The following RCOR3 variants were observed in gnomAD, a reference collection of about 807,000 sequenced individuals.
RCOR3 encodes REST corepressor 3.
RCOR3 carries 13 observed loss-of-function variants against 64.1 expected under a neutral mutation model. The ratio of observed to expected loss-of-function variants is 0.20; its 90% CI spans 0.13 to 0.32. RCOR3 has a LOEUF of 0.32. RCOR3 is among the 10% of genes least tolerant of loss of function. The pLI, the probability that RCOR3 is intolerant of heterozygous loss-of-function variation, is 1.00. For synonymous variants in RCOR3, 215 were observed against 239.0 expected (o/e 0.90, Z 0.93); for missense variants, 489 against 701.2 (o/e 0.70, Z 3.42).
intron 7 of RCOR3, among the ~76,000 whole-genome samples, chr1:211,287,797 C>T (rs1335439799): frequency 6.6e-6 from 1 of 152,094 alleles, no homozygotes; most frequent in Non-Finnish European, 1.5e-5. Context: ...AGGAGAATTG[C>T]TTGAGCCCAG....
At chr1:211,284,296 G>A (rs1056482102) in intron 7 of RCOR3, among the ~76,000 whole-genome samples, 1 of 151,852 alleles carries the variant, frequency 6.6e-6, no homozygotes, top group East Asian at 1.9e-4. Context: ...TAGTCAGGAT[G>A]GTCTCGATCT....
chr1:211,293,347 T>C (rs903210138), intron 8 of RCOR3, among the ~76,000 whole-genome samples: 1 of 152,160 alleles, frequency 6.6e-6, no homozygotes, highest in African/African-American at 2.4e-5. Context: ...TAAAAATCCT[T>C]TAGGTTTCCT....
intron 6 of RCOR3, 97 bp from the exon 7 acceptor site, chr1:211,279,141 C>A: frequency 1.4e-6 from 1 of 734,080 alleles, no homozygotes; most frequent in Non-Finnish European, 2.2e-6. Context: ...GAGCCAAGAT[C>A]ATGCCATTGC....
rs2102690898 is a variant in RCOR3, at chr1:211,314,974, C to G, written c.*1206C>G. The G allele has an allele frequency of 6.6e-6, 1 of 152,246 alleles. No individual in the cohort carries two copies. Among genetic ancestry groups the G allele is most frequent in the Non-Finnish European group, 1.5e-5 (1 of 67,998 alleles). The allele number at this position is 152,246 out of a possible 1,614,324, so 9.4% of individuals were successfully genotyped here. A position where few individuals can be genotyped will look rare whatever the true frequency, so the allele number is the denominator to read the frequency against. On this transcript the variant is annotated 3_prime_UTR_variant, in exon 12 of 12. Transcript: ENST00000419091. The stretch of plus-strand genomic sequence containing the variant: ...TATATTGTCACAGTTGTGCTGTTAA[C>G]TAAAAATGCTGAGACCCCTTTTTAT...
chr1:211,308,684 G>GTTTTTTTTTTTTTTTTTTTTTTTTTTTT (rs71585833), intron 10 of RCOR3, among the ~76,000 whole-genome samples: 3 of 42,060 alleles, frequency 7.1e-5, no homozygotes, highest in African/African-American at 1.5e-4. Context: ...TTTTTTTTTT[G>GTTTTTTTTTTTTTTTTTTTTTTTTTTTT]TTTTTTTTTT....
intron 3 of RCOR3, among the ~76,000 whole-genome samples, chr1:211,272,613 T>TTTG (rs1344695891): frequency 5.0e-5 from 1 of 20,156 alleles, no homozygotes; most frequent in African/African-American, 2.4e-4. Flanking sequence ...GATGTCTTAC[T>TTTG]TTTTTTTTTT....
chr1:211,294,621 G>A (rs1387573489), intron 8 of RCOR3, among the ~76,000 whole-genome samples: 3 of 117,516 alleles, frequency 2.6e-5, no homozygotes, highest in African/African-American at 9.9e-5. Flanking sequence ...ACGGAGTCTC[G>A]CTGTGTCGCC....
At position 211,284,146 on chromosome 1, in the gene RCOR3, C is replaced by T. The variant is rs553364637; in HGVS notation, c.720+4830C>T. 6.6e-5 allele frequency among the ~76,000 whole-genome samples: 10 copies of T among 151,836 alleles called. No individual in the cohort carries two copies. The South Asian group carries it at 1.0e-3, about 16-fold the overall frequency. On this transcript the variant is annotated intron_variant, in intron 7 of 11. Transcript: ENST00000419091. ...TCGGCTCGCTGCAAGCCCTACCTGC[C>T]GTGTTCACGCCATTCTCCTACCTCA... is the stretch of plus-strand genomic sequence containing the variant.
chr1:211,315,172 T>G lies in RCOR3; in HGVS notation c.*1404T>G, dbSNP rs1453030677. Reference sequence around the variant, plus strand: ...AAAGGGACAGACAGATCACTTAGATTGCTATACTAGTGGACATAGGCTACA... The same window carrying G: ...AAAGGGACAGACAGATCACTTAGATGGCTATACTAGTGGACATAGGCTACA... On this transcript the variant is annotated 3_prime_UTR_variant, in exon 12 of 12. Coordinates refer to ENST00000419091, the MANE Select transcript of RCOR3 (RefSeq NM_001136223.3). 1 of 152,210 alleles carries G rather than the reference T, an allele frequency of 6.6e-6. No individual in the cohort carries two copies. The highest frequency in any genetic ancestry group is 6.5e-5 in the Admixed American group (1 of 15,284). The allele number at this position is 152,210 out of a possible 1,614,324, so 9.4% of individuals were successfully genotyped here. A position where few individuals can be genotyped will look rare whatever the true frequency, so the allele number is the denominator to read the frequency against.
At chr1:211,262,099 G>C (rs1163894188) in intron 2 of RCOR3, among the ~76,000 whole-genome samples, 2 of 118,928 alleles carry the variant, frequency 1.7e-5, no homozygotes, top group South Asian at 6.2e-4. Flanking sequence ...GTGCAGTGGC[G>C]TAATCTCGGC....
rs1460485152 is a variant in RCOR3 at position 211,316,175 on chromosome 1, A to G, written c.*2407A>G. 6.6e-6 allele frequency: 1 copy of G among 152,210 alleles called. No individual in the cohort carries two copies. The highest frequency in any genetic ancestry group is 2.4e-5 in the African/African-American group (1 of 41,468). 9.4% of individuals were successfully genotyped at this position (152,210 alleles called of 1,614,324 possible). On this transcript the variant is annotated 3_prime_UTR_variant, in exon 12 of 12. Transcript: ENST00000419091. ...GGGTTATCATTTTTGAGAAATCTAC[A>G]CCAAAGTGGTTTTTTAAAATTACAT...
chr1:211,312,942 G>C lies in RCOR3; in HGVS notation c.1298G>C (p.Ser433Thr), dbSNP rs1329197839. ...GCTTCTAATGTGCCATCAGGGAAGA[G>C]CACTGATGAAGAAGAGGAGGTGTGT... ...KSASNVPSGK[S>T]TDEEEEAQTP... Residue 433 changes from serine (S) to threonine (T), a missense_variant, in exon 11 of 12, where the codon AGC (serine) becomes ACC (threonine). By Grantham distance (58) the Ser-to-Thr change is moderately conservative. This residue lies in a region of RCOR3 where 402 missense variants were observed against 617.0 expected (regional missense o/e 0.65). Transcript: ENST00000419091. This position sits in a 1 kb window ranked among gnomAD's most constrained non-coding sequence, Gnocchi z 5.0. The C allele has an allele frequency of 1.2e-6, 2 of 1,614,068 alleles. No homozygotes were observed. Among genetic ancestry groups the C allele is most frequent in the African/African-American group, 2.7e-5 (2 of 75,048 alleles).
intron 3 of RCOR3, 136 bp downstream of exon 3, chr1:211,271,445 T>A (rs1696196559): frequency 5.6e-6 from 4 of 713,106 alleles, no homozygotes; most frequent in Admixed American, 5.3e-5. Flanking sequence ...TTTATTTTTT[T>A]ATTTTTTTTT....
intron 7 of RCOR3, among the ~76,000 whole-genome samples, chr1:211,284,033 A>T (rs1558073270): frequency 6.6e-6 from 1 of 150,616 alleles, no homozygotes; most frequent in Non-Finnish European, 1.5e-5. Context: ...TTTATTATTT[A>T]TTTATTTTAT....
At chr1:211,264,188 A>G (rs920525168) in intron 2 of RCOR3, among the ~76,000 whole-genome samples, 1 of 152,148 alleles carries the variant, frequency 6.6e-6, no homozygotes, top group Non-Finnish European at 1.5e-5. Context: ...CTTTCTCATT[A>G]TCTTTGTTTC....
chr1:211,282,218 T>G (rs1269572169), intron 7 of RCOR3, among the ~76,000 whole-genome samples: 2 of 152,208 alleles, frequency 1.3e-5, no homozygotes, highest in Admixed American at 1.3e-4. Flanking sequence ...AAGAGGATAC[T>G]GCAGAGGTGT....
In RCOR3 at chr1:211,278,175, G is replaced by A. The variant is rs1461816014; in HGVS notation, c.575G>A (p.Arg192His). 1.9e-6 allele frequency: 3 copies of A among 1,607,978 alleles called. No homozygotes were observed. The highest frequency in any genetic ancestry group is 1.7e-4 in the Middle Eastern group (1 of 6,040). Residue 192 changes from arginine to histidine, a missense_variant, in exon 6 of 12, where the codon CGC (arginine) becomes CAC (histidine). Around this residue, in one of 2 missense-constraint regions of RCOR3, gnomAD observed 402 missense variants for 617.0 expected, o/e 0.65. Coordinates refer to ENST00000419091, the MANE Select transcript of RCOR3 (RefSeq NM_001136223.3). ...TATTACTATTCTTGGAAAAAAACTC[G>A]CTCTAGGACAAGTTTGATGGATCGC... ...VKYYYSWKKT[R>H]SRTSLMDRQA...
chr1:211,259,843 G>A, intron 1 of RCOR3, 117 bp downstream of exon 1: 1 of 1,128,530 alleles, frequency 8.9e-7, no homozygotes, highest in African/African-American at 1.8e-5. Flanking sequence ...TGGGCGCTGC[G>A]GTAGCCTCGA....
intron 7 of RCOR3, among the ~76,000 whole-genome samples, chr1:211,281,289 T>G (rs1310138020): frequency 6.6e-6 from 1 of 152,172 alleles, no homozygotes; most frequent in Non-Finnish European, 1.5e-5. Context: ...AGTGGCATCT[T>G]TTTCTTACTC....
Sources: gnomAD v4.1 joint callset for allele counts (sites outside exome capture counted in the v4.1 genomes callset) on GRCh38, gnomAD v4.1.1 for gene constraint, gnomAD v4.1.1 regional missense constraint, Gnocchi (gnomAD v3.1) non-coding constraint, MANE v1.5 for transcripts, NCBI Gene and HGNC (gene_info 2026-07-23, HGNC 2026-07-21) for gene names.